Variants in UGT1A1 observed in about 807,000 individuals in gnomAD.
UGT1A1 encodes UDP-glucuronosyltransferase 1A1.
UGT1A1 carries 33 observed loss-of-function variants against 40.6 expected under a neutral mutation model. The ratio of observed to expected loss-of-function variants is 0.81; its 90% CI spans 0.62 to 1.09. UGT1A1 has a LOEUF of 1.09. UGT1A1 is among the 50% of genes least tolerant of loss of function. The pLI is 0.00. For missense variants in UGT1A1, 694 were observed against 671.2 expected (o/e 1.03, Z -0.38); for synonymous variants, 249 against 265.0 (o/e 0.94, Z 0.59).
At chr2:233,763,963 A>G (rs1698440106) in intron 1 of UGT1A1, among the ~76,000 whole-genome samples, 1 of 152,196 alleles carries the variant, frequency 6.6e-6, no homozygotes, top group Non-Finnish European at 1.5e-5. Flanking sequence ...GAAGGTTGAG[A>G]TATATGTGGG....
Position 233,761,020 on chromosome 2 carries a change from C to T in UGT1A1, c.733C>T (p.Gln245Ter), listed in dbSNP as rs1412278754. 9.9e-6 allele frequency: 16 copies of T among 1,614,116 alleles called. No individual in the cohort carries two copies. The highest frequency in any genetic ancestry group is 1.4e-5 in the Non-Finnish European group (16 of 1,180,024). Reference sequence around the variant, plus strand: ...ATTCCTTCAGAGAGAGGTGACTGTCCAGGACCTATTGAGCTCTGCATCTGT... The same window carrying T: ...ATTCCTTCAGAGAGAGGTGACTGTCTAGGACCTATTGAGCTCTGCATCTGT... ...SEFLQREVTV[Q>*]DLLSSASVWL... The change falls in exon 1 of 5, where the codon CAG becomes TAG. Residue 245 changes from glutamine to a stop codon, truncating the protein, a stop_gained. Coordinates refer to ENST00000305208, the MANE Select transcript of UGT1A1 (RefSeq NM_000463.3). LOFTEE classifies it high-confidence loss of function.
At chr2:233,767,620 G>T (rs555830057) in intron 2 of UGT1A1, among the ~76,000 whole-genome samples, 1 of 152,270 alleles carries the variant, frequency 6.6e-6, no homozygotes, top group South Asian at 2.1e-4. Flanking sequence ...TAAGTGCACA[G>T]CTTGATAAAT....
rs371183955 is a variant in UGT1A1, at chr2:233,772,416, C to T, written c.1459C>T (p.His487Tyr). 1.7e-5 allele frequency: 28 copies of T among 1,614,228 alleles called. 1 individual carries two copies. The East Asian group carries it at 2.5e-4, about 14-fold the overall frequency. ...AAHDLTWYQY[H>Y]SLDVIGFLLA... ...CCACGACCTCACCTGGTACCAGTAC[C>T]ATTCCTTGGACGTGATTGGTTTCCT... Residue 487 changes from histidine to tyrosine, a missense_variant, in exon 5 of 5, where the codon CAT becomes TAT. Transcript: ENST00000305208.
At chr2:233,761,218 C>G in intron 1 of UGT1A1, 67 bp downstream of exon 1, 1 of 1,613,694 alleles carries the variant, frequency 6.2e-7, no homozygotes, top group Non-Finnish European at 8.5e-7. Context: ...GATCGATTAA[C>G]TAGCCCCAGA....
Position 233,761,142 on chromosome 2 carries a change from A to G in UGT1A1, c.855A>G (p.Pro285=). 8 of 1,614,232 alleles carry G rather than the reference A, an allele frequency of 5.0e-6. No individual in the cohort carries two copies. The highest frequency in any genetic ancestry group is 5.9e-6 in the Non-Finnish European group (7 of 1,180,050). The change falls in exon 1 of 5, where the codon CCA becomes CCG. Residue 285 remains proline, a synonymous_variant. Coordinates refer to ENST00000305208, the MANE Select transcript of UGT1A1 (RefSeq NM_000463.3). Reference sequence around the variant, plus strand: ...GAATCAACTGCCTTCACCAAAATCCACTATCCCAGGTGTGTATTGGAGTGG... The same window carrying G: ...GAATCAACTGCCTTCACCAAAATCCGCTATCCCAGGTGTGTATTGGAGTGG... ...VGGINCLHQN[P]LSQEFEAYIN...
intron 1 of UGT1A1, among the ~76,000 whole-genome samples, chr2:233,761,361 C>T (rs1202698678): frequency 6.6e-6 from 1 of 152,198 alleles, no homozygotes; most frequent in African/African-American, 2.4e-5. Context: ...GGAAAGCATT[C>T]CTTGGACATT....
chr2:233,761,556 C>T (rs1005029875), intron 1 of UGT1A1, among the ~76,000 whole-genome samples: 3 of 152,166 alleles, frequency 2.0e-5, no homozygotes, highest in African/African-American at 7.2e-5. Flanking sequence ...GATGATAGAT[C>T]CTGGAAATGA....
chr2:233,767,291 C>T (rs1383202700), intron 2 of UGT1A1, 126 bp downstream of exon 2: 1 of 1,553,770 alleles, frequency 6.4e-7, no homozygotes, highest in African/African-American at 1.4e-5. Context: ...CACTTCCCAA[C>T]TATTAATCCA....
At chr2:233,762,823 A>T (rs1219998858) in intron 1 of UGT1A1, among the ~76,000 whole-genome samples, 1 of 151,946 alleles carries the variant, frequency 6.6e-6, no homozygotes, top group East Asian at 1.9e-4. Context: ...ATTGATTTTC[A>T]TAATAAAAAA....
In UGT1A1 at chr2:233,767,859, G is replaced by C. The variant is rs750453538; in HGVS notation, c.1007G>C (p.Arg336Pro). ...LGKIPQTVLWRYTGTRPSNLA... is the reference protein window; with the variant it reads ...LGKIPQTVLWPYTGTRPSNLA... Reference sequence around the variant, plus strand: ...TTTTGCCCCTCCCAGGTCCTGTGGCGGTACACTGGAACCCGACCATCGAAT... The same window carrying C: ...TTTTGCCCCTCCCAGGTCCTGTGGCCGTACACTGGAACCCGACCATCGAAT... Residue 336 changes from arginine to proline, a missense_variant, in exon 3 of 5, where the codon CGG becomes CCG. Physicochemically the swap from Arg to Pro is moderately radical, Grantham distance 103 (BLOSUM62 -2). Transcript: ENST00000305208. 6.2e-7 allele frequency: 1 copy of C among 1,613,938 alleles called. No individual in the cohort carries two copies. The highest frequency in any genetic ancestry group is 1.3e-5 in the African/African-American group (1 of 74,850).
chr2:233,769,644 G>T lies in UGT1A1; in HGVS notation c.1304+1205G>T. The T allele has an allele frequency of 1.2e-6, 2 of 1,608,952 alleles. No homozygotes were observed. Among genetic ancestry groups the T allele is most frequent in the South Asian group, 2.2e-5 (2 of 90,446 alleles). On this transcript the variant is annotated intron_variant, in intron 4 of 4. Transcript: ENST00000305208. This position sits in a 1 kb window ranked among gnomAD's most constrained non-coding sequence, Gnocchi z 4.4. The stretch of plus-strand genomic sequence containing the variant: ...CAAGGGACAACAGGGGAGGACTGAT[G>T]ACTGACTTCCCACCTTTGAGGTGCT...
At chr2:233,761,494 C>T (rs1189997049) in intron 1 of UGT1A1, among the ~76,000 whole-genome samples, 1 of 152,234 alleles carries the variant, frequency 6.6e-6, no homozygotes, top group Non-Finnish European at 1.5e-5. Context: ...GCACCTTGCC[C>T]TGGATTCAGT....
In UGT1A1 at chr2:233,769,710, C is replaced by T. The variant is rs1472517831; in HGVS notation, c.1304+1271C>T. 9.9e-6 allele frequency: 15 copies of T among 1,507,706 alleles called. No homozygotes were observed. Among genetic ancestry groups the T allele is most frequent in the African/African-American group, 1.4e-5 (1 of 72,712 alleles). The allele number at this position is 1,507,706 out of a possible 1,614,324, so 93.4% of individuals were successfully genotyped here. A position where few individuals can be genotyped will look rare whatever the true frequency, so the allele number is the denominator to read the frequency against. On this transcript the variant is annotated intron_variant, in intron 4 of 4. Transcript: ENST00000305208. The surrounding 1 kb of genome is among the most constrained non-coding windows in gnomAD (Gnocchi z 4.4). ...GCACTGGATAAAAGATCAATGTTGG[C>T]TAGGCACCATGGCACACGCCTGTAG...
intron 2 of UGT1A1, among the ~76,000 whole-genome samples, 162 bp from the exon 3 acceptor site, chr2:233,767,687 C>A (rs1297182892): frequency 6.6e-6 from 1 of 152,176 alleles, no homozygotes; most frequent in Non-Finnish European, 1.5e-5. Flanking sequence ...AAACAAGATG[C>A]CGGAAGTTGC....
rs2126030402 is a variant in UGT1A1 at position 233,767,100 on chromosome 2, G to A, written c.931G>A (p.Val311Ile). 1 of 1,614,092 alleles carries A rather than the reference G, an allele frequency of 6.2e-7. No homozygotes were observed. The highest frequency in any genetic ancestry group is 8.5e-7 in the Non-Finnish European group (1 of 1,180,010). Residue 311 changes from valine to isoleucine, a missense_variant, in exon 2 of 5, where the codon GTC (valine) becomes ATC (isoleucine). Val to Ile is a conservative substitution (Grantham distance 29). Coordinates refer to ENST00000305208, the MANE Select transcript of UGT1A1 (RefSeq NM_000463.3). ...TGTGGTTTTCTCTTTGGGATCAATGGTCTCAGAAATTCCAGAGAAGAAAGC... is the reference window on the plus strand; with the variant it reads ...TGTGGTTTTCTCTTTGGGATCAATGATCTCAGAAATTCCAGAGAAGAAAGC... The part of the protein sequence containing the change: ...GIVVFSLGSM[V>I]SEIPEKKAMA...
intron 4 of UGT1A1, 26 bp downstream of exon 4, chr2:233,768,465 C>T: frequency 6.2e-7 from 1 of 1,606,188 alleles, no homozygotes; most frequent in Non-Finnish European, 8.5e-7. Context: ...CAGAAGAATA[C>T]TTTGGTCATG....
At chr2:233,766,233 G>A (rs1441393259) in intron 1 of UGT1A1, among the ~76,000 whole-genome samples, 4 of 152,090 alleles carry the variant, frequency 2.6e-5, no homozygotes, top group African/African-American at 9.7e-5. Context: ...AATGGGAAGG[G>A]TTTCCCCTGG....
Position 233,767,908 on chromosome 2 carries a change from T to G in UGT1A1, c.1056T>G (p.Val352=). 6.2e-7 allele frequency: 1 copy of G among 1,614,222 alleles called. No homozygotes were observed. The highest frequency in any genetic ancestry group is 8.5e-7 in the Non-Finnish European group (1 of 1,180,050). ...PSNLANNTIL[V]KWLPQNDLLG... is the part of the protein sequence containing the mutation. ...ATCTTGCGAACAACACGATACTTGTTAAGTGGCTACCCCAAAACGATCTGC... is the reference window on the plus strand; with the variant it reads ...ATCTTGCGAACAACACGATACTTGTGAAGTGGCTACCCCAAAACGATCTGC... The change falls in exon 3 of 5, where the codon GTT becomes GTG. Residue 352 remains valine (V), a synonymous_variant. Transcript: ENST00000305208.
intron 1 of UGT1A1, 85 bp from the exon 2 acceptor site, chr2:233,766,949 G>A: frequency 6.2e-7 from 1 of 1,600,626 alleles, no homozygotes. Context: ...GTCTTAAGAG[G>A]AAGATATCTA....
Sources: gnomAD v4.1 joint callset for allele counts (sites outside exome capture counted in the v4.1 genomes callset) on GRCh38, gnomAD v4.1.1 for gene constraint, Gnocchi (gnomAD v3.1) non-coding constraint, MANE v1.5 for transcripts, NCBI Gene and HGNC (gene_info 2026-07-23, HGNC 2026-07-21) for gene names.